Variants in ZEB1 observed in about 807,000 individuals in gnomAD.
ZEB1 encodes zinc finger E-box binding homeobox 1, also known as zinc finger E-box-binding homeobox 1.
Under a neutral mutation model 84.9 loss-of-function variants are expected in ZEB1, and 21 were observed. The observed-to-expected ratio is 0.25, with a 90% CI of 0.18 to 0.36. The LOEUF is 0.36. Ranked by LOEUF, ZEB1 falls within the 10% of genes least tolerant of loss-of-function variation. ZEB1 has a pLI of 1.00. For missense variants in ZEB1, 1,104 were observed against 1,330.2 expected (o/e 0.83, Z 2.65); for synonymous variants, 420 against 471.1 (o/e 0.89, Z 1.41).
chr10:31,461,270 C>CT (rs750228042), intron 2 of ZEB1, 33 bp downstream of exon 2: 2 of 1,564,592 alleles, frequency 1.3e-6, no homozygotes, highest in Admixed American at 1.8e-5. Context: ...ATATTGTATT[C>CT]TCATGATTCG....
chr10:31,402,110 CTGTTGTTGTTGTTGT>C, intron 1 of ZEB1, among the ~76,000 whole-genome samples: 1 of 151,032 alleles, frequency 6.6e-6, no homozygotes, highest in East Asian at 1.9e-4. Context: ...GTTGTTGTTG[CTGTTGTTGTTGTTGT>C]TGTTGTTGTT....
Position 31,528,449 on chromosome 10 carries a change from C to G in ZEB1, c.*1185C>G, listed in dbSNP as rs1247827748. ...ATTGTTATTTGGCTCATAACTGTTT[C>G]CAAATGTTAGTTATTATGGACCCAA... On this transcript the variant is annotated 3_prime_UTR_variant, in exon 9 of 9. Coordinates refer to ENST00000424869, the MANE Select transcript of ZEB1 (RefSeq NM_001174096.2). 2 of 152,218 alleles carry G rather than the reference C, an allele frequency of 1.3e-5. No homozygotes were observed. Among genetic ancestry groups the G allele is most frequent in the East Asian group, 3.9e-4 (2 of 5,186 alleles). 9.4% of individuals were successfully genotyped at this position (152,218 alleles called of 1,614,324 possible).
At position 31,502,545 on chromosome 10, in the gene ZEB1, T is replaced by C. The variant is rs200555814; in HGVS notation, c.484+36T>C. 1,817 of 1,612,974 alleles carry C rather than the reference T, an allele frequency of 1.1e-3. 3 individuals are homozygous for C. Among genetic ancestry groups the C allele is most frequent in the Non-Finnish European group, 1.4e-3 (1,707 of 1,179,166 alleles). On this transcript the variant is annotated intron_variant, in intron 4 of 8. Coordinates refer to ENST00000424869, the MANE Select transcript of ZEB1 (RefSeq NM_001174096.2). ...CTTAACAGTTGTGTTTCTTTCCCTC[T>C]TTAAAGGATTCTTGTTTCTACCATT...
chr10:31,394,482 GA>G (rs1174307406), intron 1 of ZEB1, among the ~76,000 whole-genome samples: 2 of 152,156 alleles, frequency 1.3e-5, no homozygotes, highest in African/African-American at 4.8e-5. Context: ...TGAACACCTA[GA>G]TGAAGAAAAA....
At chr10:31,445,892 C>A (rs1430679221) in intron 1 of ZEB1, among the ~76,000 whole-genome samples, 1 of 123,128 alleles carries the variant, frequency 8.1e-6, no homozygotes, top group Non-Finnish European at 1.7e-5. Flanking sequence ...TTGGTTGTGT[C>A]TCTGCCAGGC....
At chr10:31,415,876 C>T (rs1352976250) in intron 1 of ZEB1, among the ~76,000 whole-genome samples, 1 of 151,980 alleles carries the variant, frequency 6.6e-6, no homozygotes, top group Non-Finnish European at 1.5e-5. Flanking sequence ...AAAAGTTACT[C>T]AGAATTTCTC....
chr10:31,379,112 G>T (rs2047188208), intron 1 of ZEB1, among the ~76,000 whole-genome samples: 2 of 152,120 alleles, frequency 1.3e-5, no homozygotes, highest in Middle Eastern at 3.4e-3. Context: ...AGACCAGTTG[G>T]TCTCTTTTAG....
intron 1 of ZEB1, among the ~76,000 whole-genome samples, chr10:31,371,494 C>T (rs779905306): frequency 3.3e-5 from 5 of 152,112 alleles, no homozygotes; most frequent in African/African-American, 4.8e-5. Flanking sequence ...AGAAAAACGT[C>T]GTTATGTATT....
At chr10:31,442,931 T>A (rs1210844710) in intron 1 of ZEB1, among the ~76,000 whole-genome samples, 1 of 152,050 alleles carries the variant, frequency 6.6e-6, no homozygotes, top group Non-Finnish European at 1.5e-5. Context: ...AAGAAACAAA[T>A]TAGAGACACA....
chr10:31,379,443 G>C lies in ZEB1; in HGVS notation c.58+60151G>C, dbSNP rs140458041. Among the ~76,000 whole-genome samples, 334 of 151,482 alleles carry C rather than the reference G, an allele frequency of 2.2e-3. 2 individuals carry two copies. The highest frequency in any genetic ancestry group is 6.0e-3 in the African/African-American group (246 of 41,312). ...TCTCTGTCTGTCTGTCTCTCTCTCT[G>C]TGTGTGTATATATATATACATATAT... On this transcript the variant is annotated intron_variant, in intron 1 of 8. Coordinates refer to ENST00000424869, the MANE Select transcript of ZEB1 (RefSeq NM_001174096.2).
At position 31,527,087 on chromosome 10, in the gene ZEB1, G is replaced by T; in HGVS notation, c.3201G>T (p.Glu1067Asp). 6.3e-7 allele frequency: 1 copy of T among 1,590,918 alleles called. No individual in the cohort carries two copies. Among genetic ancestry groups the T allele is most frequent in the Non-Finnish European group, 8.6e-7 (1 of 1,165,974 alleles). ...AACCACAAGGGGATGAGGAAGAGGA[G>T]GAGGAGGAGGAAGAAGTGGAAGAAG... ...CEKPQGDEEE[E>D]EEEEEVEEEE... Residue 1067 changes from glutamate to aspartate, a missense_variant, in exon 9 of 9, where the codon GAG (glutamate) becomes GAT (aspartate). Physicochemically the swap from Glu to Asp is conservative, Grantham distance 45 (BLOSUM62 2). Around this residue, in one of 7 missense-constraint regions of ZEB1, gnomAD observed 173 missense variants for 167.0 expected, o/e 1.04. Transcript: ENST00000424869.
chr10:31,478,532 A>G (rs1251324884), intron 2 of ZEB1, among the ~76,000 whole-genome samples: 2 of 151,960 alleles, frequency 1.3e-5, no homozygotes, highest in African/African-American at 2.4e-5. Context: ...AAATCATTAT[A>G]TAAGAAAGAC....
intron 1 of ZEB1, among the ~76,000 whole-genome samples, chr10:31,411,332 C>T (rs2054202609): frequency 6.6e-6 from 1 of 152,026 alleles, no homozygotes. Flanking sequence ...AAAGACACAC[C>T]ATACCAGAAT....
chr10:31,362,075 C>A (rs190596225), intron 1 of ZEB1, among the ~76,000 whole-genome samples: 1 of 143,770 alleles, frequency 7.0e-6, no homozygotes, highest in Non-Finnish European at 1.5e-5. Context: ...ATTTCCCACA[C>A]GGTGAGGAGG....
At chr10:31,361,688 G>A (rs1226018763) in intron 1 of ZEB1, among the ~76,000 whole-genome samples, 7 of 151,380 alleles carry the variant, frequency 4.6e-5, no homozygotes, top group African/African-American at 1.7e-4. Flanking sequence ...GGCGGCGGCT[G>A]GGCAGGGGCG....
intron 4 of ZEB1, among the ~76,000 whole-genome samples, chr10:31,504,098 TGTTTAA>T (rs2068551380): frequency 6.8e-6 from 1 of 147,260 alleles, no homozygotes; most frequent in East Asian, 1.9e-4. Context: ...TTGTGTCTTA[TGTTTAA>T]GTCTTTCATT....
At chr10:31,356,565 G>A (rs1232048485) in intron 1 of ZEB1, among the ~76,000 whole-genome samples, 1 of 152,134 alleles carries the variant, frequency 6.6e-6, no homozygotes, top group Non-Finnish European at 1.5e-5. Flanking sequence ...TGGCTCTAGA[G>A]ATAGACTGCT....
Position 31,405,544 on chromosome 10 carries a change from A to G in ZEB1, c.59-55493A>G, listed in dbSNP as rs911315366. ...AAAGTGGTAATTGTTTCTTGCCTTT[A>G]TAGTGCTTGTAAACTTTATTTTTTA... On this transcript the variant is annotated intron_variant, in intron 1 of 8. Transcript: ENST00000424869. 7.2e-5 allele frequency among the ~76,000 whole-genome samples: 11 copies of G among 152,112 alleles called. No individual in the cohort carries two copies. The South Asian group carries it at 2.1e-3, about 29-fold the overall frequency.
intron 2 of ZEB1, among the ~76,000 whole-genome samples, chr10:31,491,369 A>C (rs918893819): frequency 2.6e-5 from 4 of 151,822 alleles, no homozygotes; most frequent in African/African-American, 9.7e-5. Context: ...TGCAGTTATC[A>C]TTATCTCTGC....
Sources: allele counts gnomAD v4.1 joint callset (sites outside exome capture counted in the v4.1 genomes callset), GRCh38; gene constraint gnomAD v4.1.1; regional missense constraint gnomAD v4.1.1; transcripts MANE v1.5; gene names NCBI Gene and HGNC (gene_info 2026-07-23, HGNC 2026-07-21).